The following BCLAF3 variants were observed in gnomAD, a reference collection of about 807,000 sequenced individuals.
BCLAF3 encodes the protein transient octamer binding factor 1.
Under a neutral mutation model 51.2 loss-of-function variants are expected in BCLAF3, and 24 were observed. The observed-to-expected ratio is 0.47, with a 90% CI of 0.34 to 0.66. The LOEUF (loss-of-function observed/expected upper bound fraction) is 0.66, where lower values mean the gene tolerates loss of function less well. BCLAF3 is among the 30% of genes least tolerant of loss of function. BCLAF3 has a pLI of 0.01. For missense variants in BCLAF3, 465 were observed against 525.1 expected (o/e 0.89, Z 1.12); for synonymous variants, 152 against 176.6 (o/e 0.86, Z 1.10).
chrX:19,941,400 T>A (rs2071038882), intron 8 of BCLAF3, among the ~76,000 whole-genome samples: 1 of 101,865 alleles, frequency 9.8e-6, no homozygotes, highest in Non-Finnish European at 1.9e-5. Flanking sequence ...TTTTTATGGT[T>A]TTAGGTCTAA....
chrX:19,923,303 G>A (rs1201224797), intron 11 of BCLAF3: 1 of 121,339 alleles, frequency 8.2e-6, no homozygotes, highest in African/African-American at 3.2e-5. Flanking sequence ...ATGAATGAGT[G>A]ATGGAAATGA....
At chrX:19,983,694 A>G (rs1480890847) in intron 1 of BCLAF3, among the ~76,000 whole-genome samples, 1 of 109,572 alleles carries the variant, frequency 9.1e-6, no homozygotes, top group Non-Finnish European at 1.9e-5. Flanking sequence ...CAGCCTGGGA[A>G]AGAGAGTGAG....
chrX:19,987,861 C>G (rs952416004), intron 1 of BCLAF3, among the ~76,000 whole-genome samples: 2 of 111,850 alleles, frequency 1.8e-5, no homozygotes, highest in African/African-American at 6.5e-5. Context: ...CTCCATTTCA[C>G]GAGTGAATAA....
rs181441271 is a variant in BCLAF3, at chrX:19,986,795, G to A, written c.-35+4113C>T. Among the ~76,000 whole-genome samples, 297 of 103,641 alleles carry A rather than the reference G, an allele frequency of 2.9e-3. 2 individuals are homozygous for A. The highest frequency in any genetic ancestry group is 9.7e-3 in the African/African-American group (278 of 28,739). 90.0% of individuals were successfully genotyped at this position (103,641 alleles called of 115,157 possible). ...TTTTAAAATGGGAGAAACTTGAGTC[G>A]GTTTTTTTTTTTTTTTTTTTCCCCT... On this transcript the variant is annotated intron_variant, in intron 1 of 11. Coordinates refer to ENST00000379682, the MANE Select transcript of BCLAF3 (RefSeq NM_001367774.2).
chrX:19,917,968 A>G (rs2147641517), intron 11 of BCLAF3: 1 of 112,060 alleles, frequency 8.9e-6, no homozygotes, highest in South Asian at 3.7e-4. Flanking sequence ...CTAACCACAA[A>G]CTGGACATAA....
Position 19,966,391 on chromosome X carries a change from C to A in BCLAF3, c.300G>T (p.Ser100=). ...VYMYKPHRGY[S]PGRGDSNRRA... Reference sequence around the variant, plus strand: ...TCCTGTTACTGTCCCCTCTTCCAGGCGAATATCCTCTGTGAGGCTTATACA... The same window carrying A: ...TCCTGTTACTGTCCCCTCTTCCAGGAGAATATCCTCTGTGAGGCTTATACA... The change falls in exon 3 of 12, where the codon TCG becomes TCT. Residue 100 remains serine, a synonymous_variant. Coordinates refer to ENST00000379682, the MANE Select transcript of BCLAF3 (RefSeq NM_001367774.2). 1 of 1,211,364 alleles carries A rather than the reference C, an allele frequency of 8.3e-7. No homozygotes were observed. Among genetic ancestry groups the A allele is most frequent in the Non-Finnish European group, 1.1e-6 (1 of 895,427 alleles).
At chrX:19,953,641 AT>A (rs1202936706) in intron 6 of BCLAF3, 136 bp downstream of exon 6, 6 of 394,206 alleles carry the variant, frequency 1.5e-5, no homozygotes, top group African/African-American at 1.5e-4. Context: ...TTATCCTATT[AT>A]TTTTGTGCAG....
intron 11 of BCLAF3, among the ~76,000 whole-genome samples, chrX:19,920,284 T>C (rs762951377): frequency 8.9e-6 from 1 of 112,081 alleles, no homozygotes; most frequent in East Asian, 2.8e-4. Context: ...CTTCGCCCTA[T>C]ATGCCTTTTC....
intron 1 of BCLAF3, among the ~76,000 whole-genome samples, chrX:19,972,803 T>A (rs1431273668): frequency 8.9e-6 from 1 of 112,306 alleles, no homozygotes; most frequent in Non-Finnish European, 1.9e-5. Flanking sequence ...TATGTATCAG[T>A]ACGTCATCCC....
intron 1 of BCLAF3, among the ~76,000 whole-genome samples, chrX:19,979,456 T>A (rs767706339): frequency 4.0e-4 from 45 of 111,418 alleles, no homozygotes; most frequent in African/African-American, 1.5e-3. Context: ...TTAGACATAA[T>A]GCTTTTGCAC....
intron 1 of BCLAF3, among the ~76,000 whole-genome samples, chrX:19,984,574 T>C (rs2072733341): frequency 1.8e-5 from 2 of 111,875 alleles, no homozygotes; most frequent in South Asian, 7.4e-4. Context: ...CTGATTATAA[T>C]GCAATGAAAC....
intron 1 of BCLAF3, among the ~76,000 whole-genome samples, chrX:19,987,024 T>C: frequency 9.1e-6 from 1 of 110,378 alleles, no homozygotes. Context: ...AGGGCTAGTC[T>C]CAAACTCCTG....
intron 11 of BCLAF3, 69 bp downstream of exon 11, chrX:19,929,716 T>C: frequency 9.7e-7 from 1 of 1,031,073 alleles, no homozygotes; most frequent in Non-Finnish European, 1.3e-6. Flanking sequence ...CCAATTTATC[T>C]AATGAACATA....
intron 11 of BCLAF3, among the ~76,000 whole-genome samples, chrX:19,920,678 G>A (rs779312833): frequency 5.5e-5 from 6 of 109,784 alleles, no homozygotes; most frequent in African/African-American, 1.0e-4. Flanking sequence ...AAAATTAGCC[G>A]GATGTGGTGG....
chrX:19,979,545 T>C (rs1328981225), intron 1 of BCLAF3, among the ~76,000 whole-genome samples: 1 of 111,460 alleles, frequency 9.0e-6, no homozygotes, highest in Non-Finnish European at 1.9e-5. Context: ...CTCACTTTAT[T>C]ACAATATTCA....
At chrX:19,956,176 T>C (rs1450581571) in intron 4 of BCLAF3, among the ~76,000 whole-genome samples, 1 of 112,182 alleles carries the variant, frequency 8.9e-6, no homozygotes, top group African/African-American at 3.2e-5. Flanking sequence ...TCACCCTCAA[T>C]GTACCCTTAA....
Position 19,913,260 on chromosome X carries a change from G to T in BCLAF3, c.*4045C>A, listed in dbSNP as rs906630179. On this transcript the variant is annotated 3_prime_UTR_variant, in exon 12 of 12. Coordinates refer to ENST00000379682, the MANE Select transcript of BCLAF3 (RefSeq NM_001367774.2). Reference sequence around the variant, plus strand: ...GGCTAATTTATGTATTTTTATTAGAGATGGGGTTTCACCATATTGGCCAGG... The same window carrying T: ...GGCTAATTTATGTATTTTTATTAGATATGGGGTTTCACCATATTGGCCAGG... 1 of 111,207 alleles carries T rather than the reference G, an allele frequency of 9.0e-6. No individual in the cohort carries two copies. The highest frequency in any genetic ancestry group is 1.9e-5 in the Non-Finnish European group (1 of 53,059). The allele number at this position is 111,207 out of a possible 1,213,427, so 9.2% of individuals were successfully genotyped here. A position where few individuals can be genotyped will look rare whatever the true frequency, so the allele number is the denominator to read the frequency against.
At chrX:19,938,427 G>T (rs1418366451) in intron 8 of BCLAF3, among the ~76,000 whole-genome samples, 1 of 112,023 alleles carries the variant, frequency 8.9e-6, no homozygotes, top group Non-Finnish European at 1.9e-5. Flanking sequence ...ACAGAGTCTT[G>T]CTGTGTTGCC....
At chrX:19,973,310 T>A (rs1424823051) in intron 1 of BCLAF3, among the ~76,000 whole-genome samples, 1 of 111,972 alleles carries the variant, frequency 8.9e-6, no homozygotes, top group Non-Finnish European at 1.9e-5. Flanking sequence ...TAATTTCAGT[T>A]TAAACTTGTT....
Sources: gnomAD v4.1 joint callset for allele counts (sites outside exome capture counted in the v4.1 genomes callset) on GRCh38, gnomAD v4.1.1 for gene constraint, MANE v1.5 for transcripts, NCBI Gene and HGNC (gene_info 2026-07-23, HGNC 2026-07-21) for gene names.